The following IMPA2 variants were observed in gnomAD, a reference collection of about 807,000 sequenced individuals.
The protein encoded by IMPA2 is IMP 2.
A neutral mutation model predicts 35.1 loss-of-function variants in IMPA2; 32 were observed. The observed-to-expected ratio is 0.91, with a 90% CI of 0.69 to 1.23. The LOEUF (loss-of-function observed/expected upper bound fraction) is 1.23, where lower values mean the gene tolerates loss of function less well. Among genes scored for constraint, IMPA2 ranks in the 50% most tolerant of loss-of-function variants. The pLI, the probability that IMPA2 is intolerant of heterozygous loss-of-function variation, is 0.00. For synonymous variants in IMPA2, 135 were observed against 160.6 expected (o/e 0.84, Z 1.20); for missense variants, 334 against 387.6 (o/e 0.86, Z 1.16).
intron 7 of IMPA2, 81 bp from the exon 8 acceptor site, chr18:12,030,262 G>A (rs1908008869): frequency 4.1e-6 from 4 of 986,890 alleles, no homozygotes; most frequent in Admixed American, 1.9e-5. Flanking sequence ...TGTGCTGTGT[G>A]CATGTGGGAT....
intron 2 of IMPA2, among the ~76,000 whole-genome samples, chr18:12,001,909 C>T (rs1319967121): frequency 2.0e-5 from 3 of 152,198 alleles, no homozygotes; most frequent in Non-Finnish European, 4.4e-5. Flanking sequence ...GGCTGCACCA[C>T]GGACAGCCCC....
chr18:12,028,250 G>A (rs2075826), intron 6 of IMPA2, 99 bp downstream of exon 6: 238,392 of 767,316 alleles, frequency 0.31, 42,336 homozygotes, highest in East Asian at 0.73. Context: ...GAAGCCTGAC[G>A]TGGAAAGAGT....
In IMPA2 at chr18:12,010,274, A is replaced by G; in HGVS notation, c.335+287A>G. 3.3e-6 allele frequency: 1 copy of G among 305,556 alleles called. No homozygotes were observed. The highest frequency in any genetic ancestry group is 4.5e-5 in the South Asian group (1 of 22,380). The allele number at this position is 305,556 out of a possible 1,614,324, so 18.9% of individuals were successfully genotyped here. ...AACAAGGACCCCTTGAAGGAGTCTG[A>G]CTCCCCTCACACCCCACCCCCACTG... On this transcript the variant is annotated intron_variant, in intron 3 of 7. Transcript: ENST00000269159. This position sits in a 1 kb window ranked among gnomAD's most constrained non-coding sequence, Gnocchi z 4.8.
At chr18:12,016,372 C>A (rs190214283) in intron 5 of IMPA2, among the ~76,000 whole-genome samples, 1 of 151,408 alleles carries the variant, frequency 6.6e-6, no homozygotes, top group East Asian at 1.9e-4. Flanking sequence ...TGCTCTTCAG[C>A]AGCACGGTCT....
intron 1 of IMPA2, among the ~76,000 whole-genome samples, chr18:11,988,001 CTTT>C (rs71172043): frequency 6.9e-5 from 7 of 101,882 alleles, no homozygotes; most frequent in Admixed American, 2.6e-4. Flanking sequence ...TGTTTATTGG[CTTT>C]TTTTTTTTTT....
Position 11,981,665 on chromosome 18 carries a change from C to T in IMPA2, c.-5C>T. ...CTGGAGGTGGAGGGGCCCGGCGAGG[C>T]CGCGATGAAGCCGAGCGGCGAGGAC... On this transcript the variant is annotated 5_prime_UTR_variant, in exon 1 of 8. Coordinates refer to ENST00000269159, the MANE Select transcript of IMPA2 (RefSeq NM_014214.3). 8.1e-7 allele frequency: 1 copy of T among 1,229,238 alleles called. No homozygotes were observed. Among genetic ancestry groups the T allele is most frequent in the Non-Finnish European group, 1.0e-6 (1 of 986,056 alleles). The allele number at this position is 1,229,238 out of a possible 1,614,324, so 76.1% of individuals were successfully genotyped here.
chr18:12,011,050 T>C (rs1907419109), intron 3 of IMPA2, among the ~76,000 whole-genome samples: 1 of 152,156 alleles, frequency 6.6e-6, no homozygotes, highest in African/African-American at 2.4e-5. Context: ...TACTTCTGCC[T>C]GCTCGTGGTT....
Position 12,024,810 on chromosome 18 carries a change from G to C in IMPA2, c.491-3233G>C, listed in dbSNP as rs552995261. ...AGGTTCACAGCAAAATTGAGCAGAA[G>C]GTGCAGAGAGACAGAGTTCCTATAC... On this transcript the variant is annotated intron_variant, in intron 5 of 7. Coordinates refer to ENST00000269159, the MANE Select transcript of IMPA2 (RefSeq NM_014214.3). 1.4e-4 allele frequency among the ~76,000 whole-genome samples: 22 copies of C among 151,958 alleles called. No homozygotes were observed. In the South Asian group the frequency reaches 4.6e-3, roughly 32 times the overall value.
intron 1 of IMPA2, among the ~76,000 whole-genome samples, chr18:11,984,410 G>T (rs1225088106): frequency 1.3e-5 from 2 of 152,252 alleles, no homozygotes; most frequent in Non-Finnish European, 2.9e-5. Context: ...ATTCACTGAT[G>T]TGGATGGTTG....
At chr18:12,002,924 G>A (rs1214886212) in intron 2 of IMPA2, among the ~76,000 whole-genome samples, 1 of 151,660 alleles carries the variant, frequency 6.6e-6, no homozygotes, top group African/African-American at 2.4e-5. Context: ...TGGGCGCGGT[G>A]GTTTACACCT....
intron 2 of IMPA2, among the ~76,000 whole-genome samples, chr18:12,005,017 T>C (rs1907212604): frequency 1.3e-5 from 2 of 152,204 alleles, no homozygotes; most frequent in South Asian, 2.1e-4. Context: ...GAATAAAAAT[T>C]GTGCATCTCT....
intron 1 of IMPA2, among the ~76,000 whole-genome samples, chr18:11,990,899 G>T (rs668223): frequency 6.6e-6 from 1 of 151,976 alleles, no homozygotes; most frequent in Non-Finnish European, 1.5e-5. Context: ...CATCTTTAAC[G>T]TGGAGAATAA....
chr18:12,002,982 C>T (rs1907154381), intron 2 of IMPA2, among the ~76,000 whole-genome samples: 1 of 151,874 alleles, frequency 6.6e-6, no homozygotes, highest in Non-Finnish European at 1.5e-5. Flanking sequence ...CACCTGAGGT[C>T]AGGAGTTCGA....
At chr18:12,009,717 A>G (rs1158754320) in intron 2 of IMPA2, among the ~76,000 whole-genome samples, 166 bp from the exon 3 acceptor site, 5 of 152,192 alleles carry the variant, frequency 3.3e-5, no homozygotes, top group Non-Finnish European at 7.4e-5. Context: ...CAGGCAGGTC[A>G]AAAAGCACAT....
At chr18:11,982,530 C>T (rs939260853) in intron 1 of IMPA2, among the ~76,000 whole-genome samples, 1 of 152,196 alleles carries the variant, frequency 6.6e-6, no homozygotes, top group African/African-American at 2.4e-5. Context: ...CGCAGTGGCT[C>T]ACGCCTGTAA....
chr18:11,983,559 T>C (rs918540388), intron 1 of IMPA2, among the ~76,000 whole-genome samples: 8 of 152,182 alleles, frequency 5.3e-5, no homozygotes, highest in African/African-American at 1.9e-4. Context: ...CAGGAACAGT[T>C]CTAAGGCTCC....
At chr18:12,014,714 C>T (rs1349530730) in intron 5 of IMPA2, among the ~76,000 whole-genome samples, 3 of 152,266 alleles carry the variant, frequency 2.0e-5, no homozygotes, top group South Asian at 2.1e-4. Flanking sequence ...GCACCCGGCA[C>T]ACCTCGGTGG....
intron 2 of IMPA2, among the ~76,000 whole-genome samples, chr18:12,008,120 C>T (rs1043876961): frequency 2.6e-5 from 4 of 152,188 alleles, no homozygotes; most frequent in Non-Finnish European, 4.4e-5. Context: ...CTCAGTCTCT[C>T]AAGTAGCTGG....
intron 2 of IMPA2, among the ~76,000 whole-genome samples, chr18:12,003,643 T>C (rs1598692465): frequency 2.5e-5 from 3 of 118,406 alleles, no homozygotes; most frequent in Admixed American, 1.1e-4. Flanking sequence ...TCAGTGAGAC[T>C]CCATCTTAAA....
Sources: allele counts gnomAD v4.1 joint callset (sites outside exome capture counted in the v4.1 genomes callset), GRCh38; gene constraint gnomAD v4.1.1; non-coding constraint Gnocchi (gnomAD v3.1); transcripts MANE v1.5; gene names NCBI Gene and HGNC (gene_info 2026-07-23, HGNC 2026-07-21).